EXOC6B: variants seen among roughly 807,000 people sequenced by gnomAD.
The protein encoded by EXOC6B is exocyst complex component 6B.
In EXOC6B, 54 loss-of-function variants were observed where a neutral mutation model predicts 113.5. The observed-to-expected ratio is 0.48, with a 90% CI of 0.38 to 0.60. EXOC6B has a LOEUF of 0.60. EXOC6B is among the 20% of genes least tolerant of loss of function. The pLI is 0.00. For synonymous variants in EXOC6B, 357 were observed against 339.0 expected (o/e 1.05, Z -0.58); for missense variants, 797 against 977.5 (o/e 0.82, Z 2.46).
At chr2:72,643,982 C>T (rs932896158) in intron 6 of EXOC6B, among the ~76,000 whole-genome samples, 5 of 151,784 alleles carry the variant, frequency 3.3e-5, no homozygotes, top group Admixed American at 1.3e-4. Context: ...TTCAGAAGGT[C>T]GGTAATAACA....
chr2:72,498,388 A>G lies in EXOC6B; in HGVS notation c.1337+66T>C, dbSNP rs1418121437. On this transcript the variant is annotated intron_variant, in intron 13 of 21. Transcript: ENST00000272427. ...CTATAACATCTGAAAACCTTTGCGC[A>G]TAAATACATGTGTGTACACTAATGT... The G allele has an allele frequency of 5.4e-6, 6 of 1,115,862 alleles. No homozygotes were observed. In the African/African-American group the frequency reaches 9.5e-5, roughly 18 times the overall value. 69.1% of individuals were successfully genotyped at this position (1,115,862 alleles called of 1,614,324 possible).
At position 72,352,731 on chromosome 2, in the gene EXOC6B, AT is replaced by A. The variant is rs201972771; in HGVS notation, c.2123-17712del. On this transcript the variant is annotated intron_variant, in intron 19 of 21. Coordinates refer to ENST00000272427, the MANE Select transcript of EXOC6B (RefSeq NM_015189.3). Reference sequence around the variant, plus strand: ...AAAGATAAAAGTTAGGACTGTAATCATTTTTTTTTTTTTGAGATGTGTAAGG... The same window carrying A: ...AAAGATAAAAGTTAGGACTGTAATCATTTTTTTTTTTTGAGATGTGTAAGG... 3.9e-3 allele frequency among the ~76,000 whole-genome samples: 565 copies of A among 144,766 alleles called. 12 individuals carry two copies. In the East Asian group the frequency reaches 0.076, roughly 20 times the overall value. 95.0% of individuals were successfully genotyped at this position (144,766 alleles called of 152,430 possible).
chr2:72,674,255 A>G (rs11126378), intron 6 of EXOC6B, among the ~76,000 whole-genome samples: 33,145 of 152,050 alleles, frequency 0.22, 5,913 homozygotes, highest in African/African-American at 0.49. Context: ...CCAATCAAGC[A>G]TACTCCCAAT....
intron 18 of EXOC6B, among the ~76,000 whole-genome samples, chr2:72,430,446 G>A (rs958834618): frequency 6.6e-6 from 1 of 152,178 alleles, no homozygotes. Flanking sequence ...GACCAGCCTG[G>A]CCAACATGGT....
chr2:72,268,018 T>C (rs987227193), intron 20 of EXOC6B, among the ~76,000 whole-genome samples: 2 of 152,234 alleles, frequency 1.3e-5, no homozygotes, highest in Non-Finnish European at 2.9e-5. Context: ...TGGGAACATC[T>C]TGAATGTTTA....
chr2:72,779,883 T>C (rs1683924946), intron 1 of EXOC6B, among the ~76,000 whole-genome samples: 1 of 152,118 alleles, frequency 6.6e-6, no homozygotes, highest in Non-Finnish European at 1.5e-5. Context: ...TCCATTTTAG[T>C]ACAAGATGAA....
At chr2:72,425,008 G>A (rs1277057323) in intron 18 of EXOC6B, among the ~76,000 whole-genome samples, 1 of 151,962 alleles carries the variant, frequency 6.6e-6, no homozygotes, top group South Asian at 2.1e-4. Flanking sequence ...CCCTCCTATA[G>A]GCCCCAGTGT....
chr2:72,808,871 A>C (rs866576776), intron 1 of EXOC6B, among the ~76,000 whole-genome samples: 7 of 152,250 alleles, frequency 4.6e-5, no homozygotes, highest in Middle Eastern at 3.4e-3. Flanking sequence ...GGAGTTCATG[A>C]CCAGCCTGGG....
intron 18 of EXOC6B, among the ~76,000 whole-genome samples, chr2:72,417,470 A>G (rs1660955278): frequency 6.6e-6 from 1 of 152,096 alleles, no homozygotes; most frequent in Admixed American, 6.6e-5. Flanking sequence ...TTCATTGGTC[A>G]TTTCTGTTTC....
At chr2:72,584,064 T>C (rs897874346) in intron 6 of EXOC6B, among the ~76,000 whole-genome samples, 1 of 152,108 alleles carries the variant, frequency 6.6e-6, no homozygotes, top group Non-Finnish European at 1.5e-5. Context: ...GAACAATACC[T>C]GCTACCACAA....
At chr2:72,324,791 T>C (rs1184499028) in intron 20 of EXOC6B, among the ~76,000 whole-genome samples, 3 of 152,052 alleles carry the variant, frequency 2.0e-5, no homozygotes, top group Non-Finnish European at 4.4e-5. Flanking sequence ...GAAGCCCTAT[T>C]TTTCTGATGC....
chr2:72,619,389 G>A (rs1671607364), intron 6 of EXOC6B, among the ~76,000 whole-genome samples: 1 of 151,834 alleles, frequency 6.6e-6, no homozygotes, highest in Non-Finnish European at 1.5e-5. Context: ...CATTTCCCAT[G>A]GATTGTCCAT....
At chr2:72,374,256 C>T (rs937410709) in intron 19 of EXOC6B, among the ~76,000 whole-genome samples, 3 of 152,162 alleles carry the variant, frequency 2.0e-5, no homozygotes, top group African/African-American at 7.2e-5. Context: ...CAGCACCATT[C>T]ACGATAGCCA....
At chr2:72,666,360 T>C (rs1364524943) in intron 6 of EXOC6B, among the ~76,000 whole-genome samples, 1 of 152,112 alleles carries the variant, frequency 6.6e-6, no homozygotes, top group Non-Finnish European at 1.5e-5. Context: ...CATACGCACA[T>C]GGAATGTATT....
In EXOC6B at chr2:72,349,901, G is replaced by A. The variant is rs529574540; in HGVS notation, c.2123-14881C>T. 1.8e-3 allele frequency among the ~76,000 whole-genome samples: 276 copies of A among 152,256 alleles called. 3 individuals are homozygous for A. Among genetic ancestry groups the A allele is most frequent in the Non-Finnish European group, 2.8e-4 (19 of 68,020 alleles). On this transcript the variant is annotated intron_variant, in intron 19 of 21. Coordinates refer to ENST00000272427, the MANE Select transcript of EXOC6B (RefSeq NM_015189.3). Reference sequence around the variant, plus strand: ...CTAGAGTCTGAAGTGGGGCAGTCTTGTCGGACTGACCCCCAATTTGTGGGG... The same window carrying A: ...CTAGAGTCTGAAGTGGGGCAGTCTTATCGGACTGACCCCCAATTTGTGGGG...
At chr2:72,236,582 T>C (rs1681971811) in intron 20 of EXOC6B, among the ~76,000 whole-genome samples, 1 of 152,188 alleles carries the variant, frequency 6.6e-6, no homozygotes. Context: ...GGCACTGTCC[T>C]TGTCTCTGAA....
chr2:72,731,159 A>G lies in EXOC6B; in HGVS notation c.414T>C (p.Leu138=). 6.2e-7 allele frequency: 1 copy of G among 1,612,524 alleles called. No homozygotes were observed. Residue 138 remains leucine, a synonymous_variant, in exon 4 of 22, where the codon CTT becomes CTC. Transcript: ENST00000272427. ...SATVDKLMLC[L]PVLEMYSKLR... ...TCTCCATTTCCAGTTCCTCACCTGG[A>G]AGACACAGCATTAATTTATCAACAG...
At chr2:72,786,172 T>C (rs957351077) in intron 1 of EXOC6B, among the ~76,000 whole-genome samples, 2 of 152,218 alleles carry the variant, frequency 1.3e-5, no homozygotes, top group Non-Finnish European at 2.9e-5. Context: ...GAAAGAATCG[T>C]AACAATGAAT....
At chr2:72,514,223 A>G (rs1701094166) in intron 10 of EXOC6B, among the ~76,000 whole-genome samples, 1 of 152,176 alleles carries the variant, frequency 6.6e-6, no homozygotes, top group Non-Finnish European at 1.5e-5. Flanking sequence ...AGAGCTAAGC[A>G]GTTGTGAAAG....
Sources: gnomAD v4.1 joint callset for allele counts (sites outside exome capture counted in the v4.1 genomes callset) on GRCh38, gnomAD v4.1.1 for gene constraint, MANE v1.5 for transcripts, NCBI Gene and HGNC (gene_info 2026-07-23, HGNC 2026-07-21) for gene names.